ARMC9: variants seen among roughly 807,000 people sequenced by gnomAD.
The protein encoded by ARMC9 is armadillo repeat containing 9.
Under a neutral mutation model 107.0 loss-of-function variants are expected in ARMC9, and 94 were observed. The ratio of observed to expected loss-of-function variants is 0.88; its 90% CI spans 0.74 to 1.04. The LOEUF is 1.04. ARMC9 is among the 50% of genes least tolerant of loss of function. ARMC9 has a pLI of 0.00. For synonymous variants in ARMC9, 380 were observed against 396.9 expected, an observed-to-expected ratio of 0.96 and a Z score of 0.51; for missense variants, 942 against 1,030.1, an observed-to-expected ratio of 0.91 and a Z score of 1.17.
chr2:231,335,491 A>T (rs2044025721), intron 20 of ARMC9, among the ~76,000 whole-genome samples: 1 of 152,092 alleles, frequency 6.6e-6, no homozygotes, highest in Non-Finnish European at 1.5e-5. Flanking sequence ...CCCACCCTCA[A>T]AGTCTACCCA....
At chr2:231,230,232 G>C (rs146148529) in intron 7 of ARMC9, among the ~76,000 whole-genome samples, 1 of 151,782 alleles carries the variant, frequency 6.6e-6, no homozygotes, top group Non-Finnish European at 1.5e-5. Context: ...GCGTGGCGAC[G>C]TACATCTGAA....
At chr2:231,234,518 C>T (rs1458353030) in intron 7 of ARMC9, among the ~76,000 whole-genome samples, 1 of 152,118 alleles carries the variant, frequency 6.6e-6, no homozygotes, top group Non-Finnish European at 1.5e-5. Context: ...TGAATTGTCC[C>T]CCAGACAACT....
intron 10 of ARMC9, among the ~76,000 whole-genome samples, chr2:231,258,626 C>G (rs1041601127): frequency 6.6e-6 from 1 of 152,248 alleles, no homozygotes; most frequent in South Asian, 2.1e-4. Flanking sequence ...TGAATTATGT[C>G]CAAAATTCTA....
At chr2:231,250,961 T>C (rs1055219352) in intron 9 of ARMC9, among the ~76,000 whole-genome samples, 3 of 152,158 alleles carry the variant, frequency 2.0e-5, no homozygotes, top group African/African-American at 7.2e-5. Flanking sequence ...GTGGCATGCC[T>C]GGTGACTAGT....
chr2:231,364,010 T>G (rs7587018), intron 23 of ARMC9, among the ~76,000 whole-genome samples: 23,755 of 151,490 alleles, frequency 0.16, 4,358 homozygotes, highest in African/African-American at 0.45. Flanking sequence ...AGTAGCAGGA[T>G]AAAACGAATG....
intron 17 of ARMC9, 121 bp from the exon 18 acceptor site, chr2:231,291,232 C>A: frequency 1.4e-6 from 1 of 729,320 alleles, no homozygotes; most frequent in Non-Finnish European, 2.4e-6. Context: ...GTCCCCCACC[C>A]AAGGTATCCT....
At chr2:231,306,542 GC>G (rs1344226383) in intron 19 of ARMC9, among the ~76,000 whole-genome samples, 2 of 152,150 alleles carry the variant, frequency 1.3e-5, no homozygotes, top group African/African-American at 4.8e-5. Context: ...TCACATTAGT[GC>G]TATAATGGAA....
chr2:231,270,805 T>C, intron 12 of ARMC9, 177 bp from the exon 13 acceptor site: 2 of 706,868 alleles, frequency 2.8e-6, no homozygotes, highest in Non-Finnish European at 5.2e-6. Context: ...TTTTGCCAAG[T>C]CTCATCAAAT....
chr2:231,337,403 T>G (rs530759990), intron 20 of ARMC9, among the ~76,000 whole-genome samples: 53 of 147,868 alleles, frequency 3.6e-4, no homozygotes, highest in Admixed American at 1.3e-3. Context: ...GTTCGAGGAT[T>G]CTCCTGCCTC....
chr2:231,337,669 C>T (rs189203637), intron 20 of ARMC9, among the ~76,000 whole-genome samples: 1 of 151,978 alleles, frequency 6.6e-6, no homozygotes, highest in East Asian at 1.9e-4. Flanking sequence ...AGGGTTTCAC[C>T]ATGTTGATCA....
At chr2:231,335,041 G>A (rs1039377128) in intron 20 of ARMC9, among the ~76,000 whole-genome samples, 4 of 152,198 alleles carry the variant, frequency 2.6e-5, no homozygotes, top group South Asian at 2.1e-4. Flanking sequence ...GAAACATTCT[G>A]TCAGAAAATT....
At chr2:231,334,872 G>A (rs759091682) in intron 20 of ARMC9, among the ~76,000 whole-genome samples, 5 of 152,078 alleles carry the variant, frequency 3.3e-5, no homozygotes, top group Non-Finnish European at 7.3e-5. Flanking sequence ...TCACATTTTT[G>A]TCGCGTTTTG....
chr2:231,360,613 C>A lies in ARMC9; in HGVS notation c.2132-141C>A. On this transcript the variant is annotated intron_variant, in intron 22 of 24. Transcript: ENST00000611582. The surrounding 1 kb of genome is among the most constrained non-coding windows in gnomAD (Gnocchi z 4.7). ...CGGGCTGCACGAGTAAACAAGTATC[C>A]CAAGCCACAGGCGCCAGGGAGCCCG... 7.3e-7 allele frequency: 1 copy of A among 1,363,740 alleles called. No individual in the cohort carries two copies. The highest frequency in any genetic ancestry group is 1.0e-6 in the Non-Finnish European group (1 of 998,706). The allele number at this position is 1,363,740 out of a possible 1,614,324, so 84.5% of individuals were successfully genotyped here.
chr2:231,278,453 C>T lies in ARMC9; in HGVS notation c.1546C>T (p.His516Tyr). The change falls in exon 16 of 25, where the codon CAT (histidine) becomes TAT (tyrosine). Residue 516 changes from histidine to tyrosine, a missense_variant. His to Tyr is a moderately conservative substitution (Grantham distance 83). Transcript: ENST00000611582. ...VLSDLLGHENHEIQPYVNGAL... is the reference protein window; with the variant it reads ...VLSDLLGHENYEIQPYVNGAL... ...TTCGGATCTTCTTGGCCATGAAAAC[C>T]ATGAGGTACTCATTCAGCACTGCTG... The T allele has an allele frequency of 6.2e-7, 1 of 1,613,928 alleles. No individual in the cohort carries two copies. The highest frequency in any genetic ancestry group is 8.5e-7 in the Non-Finnish European group (1 of 1,179,982).
chr2:231,310,309 G>A (rs1451786002), intron 19 of ARMC9, among the ~76,000 whole-genome samples: 1 of 151,424 alleles, frequency 6.6e-6, no homozygotes, highest in African/African-American at 2.4e-5. Flanking sequence ...AGCTACCCAG[G>A]AGGCTGAGGC....
intron 9 of ARMC9, 157 bp from the exon 10 acceptor site, chr2:231,256,429 G>T: frequency 8.7e-7 from 1 of 1,148,690 alleles, no homozygotes; most frequent in Non-Finnish European, 1.3e-6. Flanking sequence ...TTTAAATAAA[G>T]CGTTTGTGTT....
At chr2:231,276,507 T>G in intron 14 of ARMC9, 129 bp from the exon 15 acceptor site, 1 of 1,246,538 alleles carries the variant, frequency 8.0e-7, no homozygotes, top group African/African-American at 1.5e-5. Context: ...TGACCTCAGG[T>G]GATCCGTCCG....
In ARMC9 at chr2:231,255,299, G is replaced by T. The variant is rs1372758209; in HGVS notation, c.880-1287G>T. On this transcript the variant is annotated intron_variant, in intron 9 of 24. Coordinates refer to ENST00000611582, the MANE Select transcript of ARMC9 (RefSeq NM_001352754.2). This position sits in a 1 kb window ranked among gnomAD's most constrained non-coding sequence, Gnocchi z 4.7. ...CAGGATCAGGATTAAAAGAGAGTGG[G>T]GTGGAAGAGGGGTTGTTAATGTTTT... Among the ~76,000 whole-genome samples, 2 of 152,030 alleles carry T rather than the reference G, an allele frequency of 1.3e-5. No homozygotes were observed. The highest frequency in any genetic ancestry group is 2.9e-5 in the Non-Finnish European group (2 of 68,016).
intron 1 of ARMC9, among the ~76,000 whole-genome samples, chr2:231,204,605 G>A (rs1004295969): frequency 2.6e-5 from 4 of 152,072 alleles, no homozygotes; most frequent in African/African-American, 9.7e-5. Context: ...GCCAGGCACT[G>A]GTCTAGGCAC....
Sources: allele counts gnomAD v4.1 joint callset (sites outside exome capture counted in the v4.1 genomes callset), GRCh38; gene constraint gnomAD v4.1.1; non-coding constraint Gnocchi (gnomAD v3.1); transcripts MANE v1.5; gene names NCBI Gene and HGNC (gene_info 2026-07-23, HGNC 2026-07-21).